Variants in BTBD2 observed in about 807,000 individuals in gnomAD.
BTBD2 encodes the protein BTB domain containing 2.
BTBD2 carries 15 observed loss-of-function variants against 44.0 expected under a neutral mutation model. That is an observed-to-expected ratio of 0.34 (90% CI 0.23 to 0.53). The LOEUF (loss-of-function observed/expected upper bound fraction) is 0.53, where lower values mean the gene tolerates loss of function less well. Ranked by LOEUF, BTBD2 falls within the 20% of genes least tolerant of loss-of-function variation. The pLI, the probability that BTBD2 is intolerant of heterozygous loss-of-function variation, is 0.95. For missense variants in BTBD2, 657 were observed against 746.4 expected (o/e 0.88, Z 1.39); for synonymous variants, 443 against 335.9 (o/e 1.32, Z -3.49).
At chr19:1,990,303 G>T in intron 4 of BTBD2, 102 bp from the exon 5 acceptor site, 1 of 1,346,156 alleles carries the variant, frequency 7.4e-7, no homozygotes, top group Non-Finnish European at 1.0e-6. Flanking sequence ...AGCCGGGCTG[G>T]CAACTATGGC....
chr19:1,986,278 C>T lies in BTBD2; in HGVS notation c.*210G>A, dbSNP rs2016079358. The T allele has an allele frequency of 1.6e-6, 1 of 618,654 alleles. No individual in the cohort carries two copies. The highest frequency in any genetic ancestry group is 2.8e-6 in the Non-Finnish European group (1 of 358,768). 38.3% of individuals were successfully genotyped at this position (618,654 alleles called of 1,614,324 possible). On this transcript the variant is annotated 3_prime_UTR_variant, in exon 9 of 9. Transcript: ENST00000255608. The stretch of plus-strand genomic sequence containing the variant: ...CCACAGGGCCTGGCCACTGGCCTGG[C>T]CACCTCCCCGGCTGCCCTGATCCAG...
chr19:1,990,898 G>A (rs1053689048), intron 3 of BTBD2, 76 bp from the exon 4 acceptor site: 51 of 1,326,022 alleles, frequency 3.8e-5, no homozygotes, highest in East Asian at 1.0e-4. Context: ...GTGCGGGGCC[G>A]GTTCAAATGC....
chr19:1,993,691 G>A (rs2016212104), intron 2 of BTBD2, among the ~76,000 whole-genome samples: 1 of 152,038 alleles, frequency 6.6e-6, no homozygotes, highest in Non-Finnish European at 1.5e-5. Flanking sequence ...TCAGAAGTTG[G>A]GCCGATCAAA....
At chr19:2,004,115 G>A (rs2016364144) in intron 1 of BTBD2, among the ~76,000 whole-genome samples, 1 of 151,794 alleles carries the variant, frequency 6.6e-6, no homozygotes, top group African/African-American at 2.4e-5. Context: ...TCCCAGCTAA[G>A]AGTTTCCCCC....
intron 2 of BTBD2, among the ~76,000 whole-genome samples, chr19:1,996,728 C>A (rs1410730478): frequency 6.6e-6 from 1 of 151,256 alleles, no homozygotes; most frequent in Non-Finnish European, 1.5e-5. Flanking sequence ...TACTGAAAAA[C>A]ACACAAATGA....
intron 5 of BTBD2, chr19:1,988,185 A>C: frequency 6.4e-6 from 1 of 155,902 alleles, no homozygotes; most frequent in Non-Finnish European, 1.4e-5. Context: ...AAGCGCTTAC[A>C]CCCCCAGGGG....
intron 1 of BTBD2, chr19:2,014,043 A>C (rs1296987393): frequency 6.6e-6 from 1 of 151,042 alleles, no homozygotes; most frequent in Non-Finnish European, 1.5e-5. Context: ...GTGAGAGCGG[A>C]GAAGTCTCTC....
rs754770502 is a variant in BTBD2, at chr19:1,993,047, G to T, written c.657C>A (p.Ala219=). 8.7e-6 allele frequency: 14 copies of T among 1,601,046 alleles called. No individual in the cohort carries two copies. The highest frequency in any genetic ancestry group is 1.0e-5 in the Non-Finnish European group (12 of 1,178,240). ...CVEFLKKNLR[A]DNAFMLLTQA... is the part of the protein sequence containing the mutation. ...GCGTGAGCAGCATGAAGGCGTTGTC[G>T]GCTCGCAGGTTCTTCTTCAGGAACT... The change falls in exon 3 of 9, where the codon GCC becomes GCA. Residue 219 remains alanine (A), a synonymous_variant. Transcript: ENST00000255608.
chr19:2,008,008 C>T (rs184306351), intron 1 of BTBD2, among the ~76,000 whole-genome samples: 253 of 143,010 alleles, frequency 1.8e-3, no homozygotes, highest in African/African-American at 6.4e-3. Flanking sequence ...CTGAGAAAGT[C>T]TTTTTTTTTT....
chr19:1,997,548 ACCCC>A (rs754327154), intron 1 of BTBD2, 85 bp from the exon 2 acceptor site: 16 of 1,570,114 alleles, frequency 1.0e-5, no homozygotes, highest in Non-Finnish European at 1.4e-5. Context: ...CTGGGTGACC[ACCCC>A]ACTAGGGCTC....
intron 2 of BTBD2, 100 bp downstream of exon 2, chr19:1,997,244 C>T: frequency 6.5e-7 from 1 of 1,537,062 alleles, no homozygotes; most frequent in Non-Finnish European, 8.8e-7. Context: ...AAATCTCCAC[C>T]AAGCCAGGGC....
chr19:1,992,878 A>C (rs1181124052), intron 3 of BTBD2, 142 bp downstream of exon 3: 1 of 855,620 alleles, frequency 1.2e-6, no homozygotes, highest in African/African-American at 1.8e-5. Flanking sequence ...GGCCCAAAAC[A>C]CATTTTACTA....
At chr19:1,993,633 C>T (rs928106956) in intron 2 of BTBD2, among the ~76,000 whole-genome samples, 3 of 151,854 alleles carry the variant, frequency 2.0e-5, no homozygotes, top group Non-Finnish European at 2.9e-5. Context: ...TAATCATGGA[C>T]GCTATTACCA....
At chr19:1,990,915 G>C (rs970539748) in intron 3 of BTBD2, 93 bp from the exon 4 acceptor site, 9 of 1,147,768 alleles carry the variant, frequency 7.8e-6, no homozygotes, top group Admixed American at 2.1e-5. Flanking sequence ...ATGCAGCCCT[G>C]ACCACACGGG....
intron 5 of BTBD2, chr19:1,988,318 G>A (rs1370630800): frequency 6.5e-6 from 1 of 152,748 alleles, no homozygotes; most frequent in African/African-American, 2.4e-5. Flanking sequence ...GGGGAGGCCA[G>A]GAGGGGCAGA....
chr19:1,992,529 C>T (rs929081126), intron 3 of BTBD2, among the ~76,000 whole-genome samples: 4 of 152,024 alleles, frequency 2.6e-5, no homozygotes, highest in Non-Finnish European at 5.9e-5. Flanking sequence ...CGTGAGCCAC[C>T]GCACCCTGCC....
At chr19:2,012,208 A>C (rs2079256) in intron 1 of BTBD2, among the ~76,000 whole-genome samples, 1 of 148,748 alleles carries the variant, frequency 6.7e-6, no homozygotes, top group Non-Finnish European at 1.5e-5. Context: ...GCTGGAGTGC[A>C]ATGGCGCAAT....
intron 1 of BTBD2, chr19:2,013,479 G>A (rs533430849): frequency 1.0e-6 from 1 of 984,080 alleles, no homozygotes; most frequent in East Asian, 1.1e-4. Context: ...AGGGGTCTAG[G>A]GTGGTGGCCT....
In BTBD2 at chr19:1,986,492, G is replaced by C. The variant is rs1174864938; in HGVS notation, c.1574C>G (p.Thr525Ser). The change falls in exon 9 of 9, where the codon ACC becomes AGC. Residue 525 changes from threonine to serine, a missense_variant. Coordinates refer to ENST00000255608, the MANE Select transcript of BTBD2 (RefSeq NM_017797.4). ...DGQIPEVIFY[T>S] ...GCGGTGTCGGTGTCGGGCAGCCTAGGTGTAGAAGATGACCTCGGGGATCTG... is the reference window on the plus strand; with the variant it reads ...GCGGTGTCGGTGTCGGGCAGCCTAGCTGTAGAAGATGACCTCGGGGATCTG... 1.9e-6 allele frequency: 3 copies of C among 1,613,782 alleles called. No individual in the cohort carries two copies. The highest frequency in any genetic ancestry group is 2.5e-6 in the Non-Finnish European group (3 of 1,179,840).
Sources: gnomAD v4.1 joint callset for allele counts (sites outside exome capture counted in the v4.1 genomes callset) on GRCh38, gnomAD v4.1.1 for gene constraint, MANE v1.5 for transcripts, NCBI Gene and HGNC (gene_info 2026-07-23, HGNC 2026-07-21) for gene names.